ARHGEF6: variants seen among roughly 807,000 people sequenced by gnomAD.
ARHGEF6 encodes the protein Rac/Cdc42 guanine nucleotide exchange factor 6, also known as rho guanine nucleotide exchange factor 6.
Under a neutral mutation model 70.3 loss-of-function variants are expected in ARHGEF6, and 9 were observed. The observed-to-expected ratio is 0.13, with a 90% confidence interval of 0.08 to 0.22. The LOEUF is 0.22. ARHGEF6 is among the 10% of genes least tolerant of loss of function. The probability of loss-of-function intolerance (pLI) is 1.00; values close to 1 mark genes in which losing one functional copy is unlikely to be tolerated. For synonymous variants in ARHGEF6, 201 were observed against 207.8 expected (o/e 0.97, Z 0.28); for missense variants, 470 against 563.0 (o/e 0.83, Z 1.67).
At chrX:136,744,788 C>G (rs187989019) in intron 4 of ARHGEF6, among the ~76,000 whole-genome samples, 1 of 111,830 alleles carries the variant, frequency 8.9e-6, no homozygotes, top group East Asian at 2.8e-4. Context: ...TAAAATCAAG[C>G]CTTCCTCATT....
At chrX:136,734,402 T>C (rs191847177) in intron 5 of ARHGEF6, among the ~76,000 whole-genome samples, 141 of 111,954 alleles carry the variant, frequency 1.3e-3, no homozygotes, top group Non-Finnish European at 1.5e-3. Flanking sequence ...GACACTTATG[T>C]GTGAAATGAA....
chrX:136,779,585 C>T, intron 1 of ARHGEF6, 88 bp from the exon 2 acceptor site: 1 of 860,952 alleles, frequency 1.2e-6, no homozygotes. Context: ...CTAGAGAAAG[C>T]AGGCCTCTTA....
chrX:136,674,558 A>G (rs2076258440), intron 19 of ARHGEF6, among the ~76,000 whole-genome samples: 1 of 112,064 alleles, frequency 8.9e-6, no homozygotes, highest in Admixed American at 9.4e-5. Flanking sequence ...TTGAAACTTG[A>G]GTTTGGTGAA....
chrX:136,666,841 A>G lies in ARHGEF6; in HGVS notation c.*1188T>C, dbSNP rs1035037549. The G allele has an allele frequency of 8.9e-6, 1 of 112,280 alleles. No homozygotes were observed. The highest frequency in any genetic ancestry group is 3.2e-5 in the African/African-American group (1 of 30,883). 9.3% of individuals were successfully genotyped at this position (112,280 alleles called of 1,213,427 possible). On this transcript the variant is annotated 3_prime_UTR_variant, in exon 22 of 22. Transcript: ENST00000250617. ...GTTAATCAGTCCTGAATAATCCAGC[A>G]CACAGCTACTAGAGGGGCCCTTTTG...
At chrX:136,683,029 G>A (rs1490811748) in intron 12 of ARHGEF6, among the ~76,000 whole-genome samples, 185 bp from the exon 13 acceptor site, 1 of 111,047 alleles carries the variant, frequency 9.0e-6, no homozygotes, top group Non-Finnish European at 1.9e-5. Flanking sequence ...CTTTGACATG[G>A]ACATAAACCC....
intron 2 of ARHGEF6, among the ~76,000 whole-genome samples, chrX:136,766,520 C>G (rs919505347): frequency 1.2e-4 from 13 of 111,675 alleles, no homozygotes; most frequent in African/African-American, 4.2e-4. Context: ...TGAGTTACCC[C>G]TCTATCCAAA....
chrX:136,763,967 T>C (rs779988692), intron 2 of ARHGEF6, among the ~76,000 whole-genome samples: 6 of 111,516 alleles, frequency 5.4e-5, no homozygotes, highest in Non-Finnish European at 9.4e-5. Context: ...CAAGGGATTA[T>C]GGGAAAATAA....
intron 12 of ARHGEF6, among the ~76,000 whole-genome samples, chrX:136,683,505 T>C (rs1173455349): frequency 9.0e-6 from 1 of 110,644 alleles, no homozygotes; most frequent in Non-Finnish European, 1.9e-5. Flanking sequence ...ATTACACACA[T>C]GTGCCACCAC....
At chrX:136,726,234 C>T (rs764678920) in intron 6 of ARHGEF6, among the ~76,000 whole-genome samples, 3 of 111,133 alleles carry the variant, frequency 2.7e-5, no homozygotes, top group African/African-American at 3.3e-5. Flanking sequence ...CCAGTAGAAC[C>T]GCCTGCAGTG....
At chrX:136,775,099 CA>C (rs2077393901) in intron 2 of ARHGEF6, among the ~76,000 whole-genome samples, 1 of 111,254 alleles carries the variant, frequency 9.0e-6, no homozygotes, top group Non-Finnish European at 1.9e-5. Context: ...CTTGAAATGT[CA>C]CATGATTCTA....
chrX:136,759,889 T>G, intron 2 of ARHGEF6, among the ~76,000 whole-genome samples: 1 of 112,364 alleles, frequency 8.9e-6, no homozygotes, highest in Non-Finnish European at 1.9e-5. Context: ...CAGATTTGCC[T>G]AAGTAGAACT....
chrX:136,761,808 T>G (rs1188520307), intron 2 of ARHGEF6, among the ~76,000 whole-genome samples: 2 of 111,727 alleles, frequency 1.8e-5, no homozygotes, highest in Non-Finnish European at 3.8e-5. Context: ...AATGGCTGGA[T>G]TTTTTTTTCC....
intron 7 of ARHGEF6, among the ~76,000 whole-genome samples, chrX:136,711,547 CT>C (rs906612127): frequency 2.7e-5 from 3 of 111,705 alleles, no homozygotes; most frequent in African/African-American, 9.8e-5. Context: ...ACAAAAAATA[CT>C]TTGTTTTTTG....
chrX:136,735,219 AG>A (rs1415045092), intron 5 of ARHGEF6, among the ~76,000 whole-genome samples: 1 of 111,712 alleles, frequency 9.0e-6, no homozygotes, highest in Non-Finnish European at 1.9e-5. Context: ...AAACTTGGAA[AG>A]TCTAAAAAAA....
At chrX:136,723,008 C>G (rs916819761) in intron 6 of ARHGEF6, among the ~76,000 whole-genome samples, 3 of 112,457 alleles carry the variant, frequency 2.7e-5, no homozygotes, top group Non-Finnish European at 5.6e-5. Flanking sequence ...ATGGATGAAC[C>G]TTGAAAATAT....
chrX:136,686,603 T>TATATATATATATATATATACACAC (rs2076392575), intron 11 of ARHGEF6, among the ~76,000 whole-genome samples: 3 of 76,255 alleles, frequency 3.9e-5, no homozygotes, highest in Non-Finnish European at 6.9e-5. Context: ...TGTATATATA[T>TATATATATATATATATATACACAC]ATATATATAT....
intron 2 of ARHGEF6, chrX:136,774,109 AAAGT>A (rs2077383376): frequency 8.9e-6 from 1 of 112,156 alleles, no homozygotes; most frequent in African/African-American, 3.2e-5. Context: ...TAAAAAAATA[AAAGT>A]AATAAACATA....
At chrX:136,731,234 T>C (rs2076931911) in intron 6 of ARHGEF6, among the ~76,000 whole-genome samples, 1 of 112,393 alleles carries the variant, frequency 8.9e-6, no homozygotes, top group Non-Finnish European at 1.9e-5. Context: ...GAAATTCAAC[T>C]TTTTGAAACC....
Position 136,745,387 on chromosome X carries a change from G to A in ARHGEF6, c.335-40C>T, listed in dbSNP as rs758967409. Reference sequence around the variant, plus strand: ...AAAGGCATGTTAAAGGAACCACTCAGATCAGAAAAACATCTACCGCATAAC... The same window carrying A: ...AAAGGCATGTTAAAGGAACCACTCAAATCAGAAAAACATCTACCGCATAAC... On this transcript the variant is annotated intron_variant, in intron 3 of 21. Coordinates refer to ENST00000250617, the MANE Select transcript of ARHGEF6 (RefSeq NM_004840.3). 2.5e-6 allele frequency: 3 copies of A among 1,204,152 alleles called. No homozygotes were observed. The East Asian group carries it at 8.9e-5, about 36-fold the overall frequency.
Sources: allele counts gnomAD v4.1 joint callset (sites outside exome capture counted in the v4.1 genomes callset), GRCh38; gene constraint gnomAD v4.1.1; transcripts MANE v1.5; gene names NCBI Gene and HGNC (gene_info 2026-07-23, HGNC 2026-07-21).